Variants in NECAB1 observed in about 807,000 individuals in gnomAD.
The protein encoded by NECAB1 is N-terminal EF-hand calcium binding protein 1.
NECAB1 carries 29 observed loss-of-function variants against 57.5 expected under a neutral mutation model. The ratio of observed to expected loss-of-function variants is 0.50; its 90% CI spans 0.38 to 0.69. The LOEUF (loss-of-function observed/expected upper bound fraction) is 0.69. NECAB1 is among the 30% of genes least tolerant of loss of function. The probability of loss-of-function intolerance (pLI) is 0.00; values close to 1 mark genes in which losing one functional copy is unlikely to be tolerated. For synonymous variants in NECAB1, 142 were observed against 147.7 expected (o/e 0.96, Z 0.28); for missense variants, 372 against 413.8 (o/e 0.90, Z 0.88).
intron 3 of NECAB1, among the ~76,000 whole-genome samples, chr8:90,841,769 C>T (rs960380789): frequency 4.6e-5 from 7 of 152,062 alleles, no homozygotes; most frequent in Admixed American, 2.0e-4. Context: ...AATGGGGAGG[C>T]GACAGCTCTG....
chr8:90,859,560 C>G (rs192877471), intron 3 of NECAB1, among the ~76,000 whole-genome samples: 1 of 152,230 alleles, frequency 6.6e-6, no homozygotes, highest in East Asian at 1.9e-4. Flanking sequence ...GGTCTGCTGT[C>G]TCACCATCTG....
At chr8:90,920,148 A>C (rs1216051833) in intron 6 of NECAB1, among the ~76,000 whole-genome samples, 1 of 152,192 alleles carries the variant, frequency 6.6e-6, no homozygotes, top group Non-Finnish European at 1.5e-5. Flanking sequence ...GAAATGTTAC[A>C]TGTCTGACTG....
Position 90,857,504 on chromosome 8 carries a change from T to C in NECAB1, c.234-14624T>C, listed in dbSNP as rs931721439. Among the ~76,000 whole-genome samples the C allele has an allele frequency of 2.6e-5, 4 of 152,154 alleles. No individual in the cohort carries two copies. In the East Asian group the frequency reaches 5.8e-4, roughly 22 times the overall value. On this transcript the variant is annotated intron_variant, in intron 3 of 12. Coordinates refer to ENST00000417640, the MANE Select transcript of NECAB1 (RefSeq NM_022351.5). ...ATTTTAGTGGCTAACCTCTCAAAAA[T>C]TTGTAAATGTATGACTTTGTAAAAT...
chr8:90,792,379 T>G (rs888789591), intron 1 of NECAB1, among the ~76,000 whole-genome samples: 6 of 152,202 alleles, frequency 3.9e-5, no homozygotes, highest in African/African-American at 1.4e-4. Context: ...CACTCGTGGA[T>G]GCTCTCAAGC....
Position 90,917,604 on chromosome 8 carries a change from C to T in NECAB1, c.470C>T (p.Thr157Ile), listed in dbSNP as rs372120677. The change falls in exon 6 of 13, where the codon ACT (threonine) becomes ATT (isoleucine). Residue 157 changes from threonine to isoleucine, a missense_variant. Thr to Ile is a moderately conservative substitution (Grantham distance 89, BLOSUM62 -1). Transcript: ENST00000417640. ...QNSLECAMET[T>I]EEQTRQERQG... The stretch of plus-strand genomic sequence containing the variant: ...TCCCTGGAATGTGCCATGGAAACTA[C>T]TGAGGAGCAAACCCGTCAAGAAAGG... 1 of 1,610,614 alleles carries T rather than the reference C, an allele frequency of 6.2e-7. No homozygotes were observed. The highest frequency in any genetic ancestry group is 8.5e-7 in the Non-Finnish European group (1 of 1,177,984).
chr8:90,796,143 C>T (rs938708210), intron 1 of NECAB1, among the ~76,000 whole-genome samples: 17 of 152,176 alleles, frequency 1.1e-4, no homozygotes, highest in Non-Finnish European at 7.3e-5. Flanking sequence ...TGCCTGCTTC[C>T]CCTTATCCAG....
At chr8:90,822,791 C>T (rs191240066) in intron 2 of NECAB1, among the ~76,000 whole-genome samples, 6 of 151,840 alleles carry the variant, frequency 4.0e-5, no homozygotes, top group African/African-American at 1.2e-4. Flanking sequence ...TCAATGTATT[C>T]GTATTACATT....
chr8:90,916,130 T>C (rs1809945515), intron 5 of NECAB1, among the ~76,000 whole-genome samples: 1 of 152,182 alleles, frequency 6.6e-6, no homozygotes, highest in Non-Finnish European at 1.5e-5. Context: ...ACCATCTCAG[T>C]AGATAAGAAA....
At chr8:90,900,931 G>C (rs550781884) in intron 5 of NECAB1, among the ~76,000 whole-genome samples, 1 of 152,224 alleles carries the variant, frequency 6.6e-6, no homozygotes, top group East Asian at 1.9e-4. Flanking sequence ...TAAGATAAAG[G>C]TACTTTAATC....
In NECAB1 at chr8:90,795,067, A is replaced by G. The variant is rs10096952; in HGVS notation, c.99+3082A>G. On this transcript the variant is annotated intron_variant, in intron 1 of 12. Coordinates refer to ENST00000417640, the MANE Select transcript of NECAB1 (RefSeq NM_022351.5). Reference sequence around the variant, plus strand: ...CAACTGGGTCCTGGCAACACATAGGACCACAGGGATTACTATTGCTTTTCC... The same window carrying G: ...CAACTGGGTCCTGGCAACACATAGGGCCACAGGGATTACTATTGCTTTTCC... 6.0e-3 allele frequency among the ~76,000 whole-genome samples: 915 copies of G among 152,334 alleles called. 6 individuals are homozygous for G. The highest frequency in any genetic ancestry group is 0.02 in the African/African-American group (849 of 41,570).
At chr8:90,907,629 TA>T (rs1809722248) in intron 5 of NECAB1, among the ~76,000 whole-genome samples, 1 of 152,214 alleles carries the variant, frequency 6.6e-6, no homozygotes, top group Non-Finnish European at 1.5e-5. Context: ...TGATGGTGCA[TA>T]AAAGTTAACT....
Position 90,956,239 on chromosome 8 carries a change from CTGTT to C in NECAB1, c.*730_*733del, listed in dbSNP as rs1184067802. ...GTTAAATATATCAAGAAAGAAGAGACTGTTTGGAAAAATGTGGTTCAAGTTTTAT... is the reference window on the plus strand; with the variant it reads ...GTTAAATATATCAAGAAAGAAGAGACTGGAAAAATGTGGTTCAAGTTTTAT... On this transcript the variant is annotated 3_prime_UTR_variant, in exon 13 of 13. Transcript: ENST00000417640. 2 of 151,894 alleles carry C rather than the reference CTGTT, an allele frequency of 1.3e-5. No homozygotes were observed. The highest frequency in any genetic ancestry group is 2.9e-5 in the Non-Finnish European group (2 of 67,902). The allele number at this position is 151,894 out of a possible 1,614,324, so 9.4% of individuals were successfully genotyped here.
intron 2 of NECAB1, among the ~76,000 whole-genome samples, chr8:90,820,465 C>T (rs1017071890): frequency 6.6e-6 from 1 of 151,784 alleles, no homozygotes; most frequent in African/African-American, 2.4e-5. Context: ...ATGATGTTTT[C>T]ATTTTGATAA....
intron 3 of NECAB1, among the ~76,000 whole-genome samples, chr8:90,835,232 T>A (rs559177780): frequency 6.6e-6 from 1 of 152,288 alleles, no homozygotes; most frequent in African/African-American, 2.4e-5. Context: ...GCAAGCTCAA[T>A]AAACATTTGA....
At chr8:90,867,536 T>G (rs1808541066) in intron 3 of NECAB1, among the ~76,000 whole-genome samples, 1 of 151,258 alleles carries the variant, frequency 6.6e-6, no homozygotes, top group African/African-American at 2.5e-5. Flanking sequence ...ATCCTTTACA[T>G]CTATCTATTC....
intron 3 of NECAB1, among the ~76,000 whole-genome samples, chr8:90,836,149 T>C (rs1471759725): frequency 1.3e-5 from 2 of 152,220 alleles, no homozygotes; most frequent in Non-Finnish European, 2.9e-5. Flanking sequence ...AGACACAAAA[T>C]ACGTTCAAAT....
chr8:90,939,067 G>A (rs1017746174), intron 9 of NECAB1, among the ~76,000 whole-genome samples: 3 of 152,156 alleles, frequency 2.0e-5, no homozygotes, highest in Non-Finnish European at 4.4e-5. Context: ...TGTTCATAAA[G>A]TTTTATTGTA....
chr8:90,881,217 G>C (rs1298317903), intron 5 of NECAB1, 87 bp downstream of exon 5: 6 of 862,830 alleles, frequency 7.0e-6, no homozygotes, highest in Middle Eastern at 2.8e-4. Context: ...TTCAACTATA[G>C]ATTCTTTATT....
intron 3 of NECAB1, among the ~76,000 whole-genome samples, chr8:90,852,188 G>A (rs1303086009): frequency 1.3e-5 from 2 of 152,118 alleles, no homozygotes; most frequent in African/African-American, 4.8e-5. Flanking sequence ...ATTAAGAAGG[G>A]TGCAAGCTAA....
Sources: gnomAD v4.1 joint callset for allele counts (sites outside exome capture counted in the v4.1 genomes callset) on GRCh38, gnomAD v4.1.1 for gene constraint, MANE v1.5 for transcripts, NCBI Gene and HGNC (gene_info 2026-07-23, HGNC 2026-07-21) for gene names.